Variants in KAZN observed in about 807,000 individuals in gnomAD.
KAZN encodes kazrin.
KAZN carries 40 observed loss-of-function variants against 87.4 expected under a neutral mutation model. The observed-to-expected ratio is 0.46, with a 90% CI of 0.36 to 0.60. The LOEUF (loss-of-function observed/expected upper bound fraction) is 0.60, where lower values mean the gene tolerates loss of function less well. Ranked by LOEUF, KAZN falls within the 20% of genes least tolerant of loss-of-function variation. The pLI, the probability that KAZN is intolerant of heterozygous loss-of-function variation, is 0.00. For missense variants in KAZN, 898 were observed against 1,073.9 expected, an observed-to-expected ratio of 0.84 and a Z score of 2.29; for synonymous variants, 466 against 458.3, an observed-to-expected ratio of 1.02 and a Z score of -0.22.
chr1:13,972,276 CTTT>C (rs546200121), intron 1 of KAZN, among the ~76,000 whole-genome samples: 4 of 141,184 alleles, frequency 2.8e-5, no homozygotes, highest in Non-Finnish European at 3.1e-5. Flanking sequence ...TTTTTCTTTT[CTTT>C]TTTTTTTTTT....
chr1:15,010,632 T>C (rs984675367), intron 2 of KAZN, among the ~76,000 whole-genome samples: 1 of 152,090 alleles, frequency 6.6e-6, no homozygotes, highest in Non-Finnish European at 1.5e-5. Flanking sequence ...GACCTCGTGA[T>C]CACCCACCTT....
intron 1 of KAZN, among the ~76,000 whole-genome samples, chr1:14,115,988 G>A (rs895714718): frequency 5.9e-5 from 9 of 152,086 alleles, no homozygotes; most frequent in Non-Finnish European, 1.3e-4. Flanking sequence ...AATGATTTAG[G>A]GTATCCGGAA....
At chr1:14,021,190 C>A (rs1329998328) in intron 1 of KAZN, among the ~76,000 whole-genome samples, 1 of 152,176 alleles carries the variant, frequency 6.6e-6, no homozygotes, top group Non-Finnish European at 1.5e-5. Flanking sequence ...TAGATGCCAG[C>A]ACACCACTCC....
At chr1:14,876,103 T>C (rs1397420887) in intron 1 of KAZN, among the ~76,000 whole-genome samples, 3 of 152,188 alleles carry the variant, frequency 2.0e-5, no homozygotes, top group Non-Finnish European at 4.4e-5. Flanking sequence ...GGGACTGTGA[T>C]CTTAACAGAT....
chr1:14,232,444 A>T (rs549281103), intron 2 of KAZN, among the ~76,000 whole-genome samples: 1 of 152,306 alleles, frequency 6.6e-6, no homozygotes, highest in South Asian at 2.1e-4. Context: ...TACCTAGGAC[A>T]GGAAGACCCT....
At chr1:14,537,771 T>A (rs1672586733) in intron 2 of KAZN, among the ~76,000 whole-genome samples, 1 of 152,128 alleles carries the variant, frequency 6.6e-6, no homozygotes, top group Admixed American at 6.5e-5. Context: ...GTATTCACAT[T>A]TTCACCCTTG....
chr1:14,319,897 ATTATT>A (rs1655932585), intron 2 of KAZN, among the ~76,000 whole-genome samples: 1 of 152,214 alleles, frequency 6.6e-6, no homozygotes, highest in Non-Finnish European at 1.5e-5. Flanking sequence ...GTCAAATCTG[ATTATT>A]TTATCCCCAA....
intron 1 of KAZN, among the ~76,000 whole-genome samples, chr1:14,857,352 A>C (rs1650256937): frequency 6.6e-6 from 1 of 152,044 alleles, no homozygotes; most frequent in Non-Finnish European, 1.5e-5. Flanking sequence ...GACTAGCCTT[A>C]GCAACATAGT....
intron 1 of KAZN, among the ~76,000 whole-genome samples, chr1:14,176,973 T>C (rs1468748085): frequency 1.3e-5 from 2 of 151,994 alleles, no homozygotes; most frequent in East Asian, 3.9e-4. Flanking sequence ...GCCTGGCCAA[T>C]ATGGTGAAAC....
At chr1:13,961,694 TAG>T (rs1342954302) in intron 1 of KAZN, among the ~76,000 whole-genome samples, 1 of 152,190 alleles carries the variant, frequency 6.6e-6, no homozygotes, top group Non-Finnish European at 1.5e-5. Context: ...TTTGTTATAG[TAG>T]CCCACAGGGA....
rs75385643 is a variant in KAZN, at chr1:13,915,669, A to G, written c.91+21913A>G. On this transcript the variant is annotated intron_variant, in intron 1 of 16. Transcript: ENST00000636203. ...ATCTCCTATCTGGTGACCATTCCAG[A>G]TGAAGGAGGAAGCATGAGAGAGGAC... Among the ~76,000 whole-genome samples the G allele has an allele frequency of 2.0e-5, 3 of 152,306 alleles. No individual in the cohort carries two copies. The East Asian group carries it at 5.8e-4, about 29-fold the overall frequency.
At chr1:14,198,469 G>T (rs547004022) in intron 2 of KAZN, among the ~76,000 whole-genome samples, 1 of 152,048 alleles carries the variant, frequency 6.6e-6, no homozygotes, top group African/African-American at 2.4e-5. Context: ...GCATGGTGGC[G>T]CATGCCTGTA....
intron 1 of KAZN, among the ~76,000 whole-genome samples, chr1:13,915,745 A>G (rs1382202689): frequency 2.0e-5 from 3 of 151,896 alleles, no homozygotes; most frequent in African/African-American, 7.3e-5. Flanking sequence ...CACTAGAGAG[A>G]GAGAGAGGGG....
intron 1 of KAZN, among the ~76,000 whole-genome samples, chr1:14,050,645 A>G (rs1370110715): frequency 1.3e-5 from 2 of 152,194 alleles, no homozygotes; most frequent in African/African-American, 4.8e-5. Context: ...TGTGGGGATT[A>G]CAATTCGAGA....
At chr1:14,427,682 T>C (rs1005957390) in intron 2 of KAZN, among the ~76,000 whole-genome samples, 1 of 151,540 alleles carries the variant, frequency 6.6e-6, no homozygotes, top group Admixed American at 6.6e-5. Context: ...GAATATAGGG[T>C]CACTATGAAG....
chr1:14,970,849 G>C (rs1664952285), intron 2 of KAZN, among the ~76,000 whole-genome samples: 1 of 152,236 alleles, frequency 6.6e-6, no homozygotes, highest in African/African-American at 2.4e-5. Context: ...ACATTTACCA[G>C]AGCTCAACTC....
chr1:14,080,598 A>C (rs938315391), intron 1 of KAZN, among the ~76,000 whole-genome samples: 2 of 152,206 alleles, frequency 1.3e-5, no homozygotes, highest in African/African-American at 4.8e-5. Context: ...TTCAGTACCT[A>C]CTTCATTGGT....
At chr1:14,635,788 T>C (rs763373543) in intron 1 of KAZN, among the ~76,000 whole-genome samples, 17 of 152,194 alleles carry the variant, frequency 1.1e-4, no homozygotes, top group Admixed American at 2.0e-4. Context: ...TGATATCCAG[T>C]GGGTGGAGGC....
At chr1:14,589,639 C>A (rs1218905879) in intron 2 of KAZN, among the ~76,000 whole-genome samples, 1 of 152,142 alleles carries the variant, frequency 6.6e-6, no homozygotes. Flanking sequence ...TTCCTACTAC[C>A]ACTGCTTCCA....
Sources: gnomAD v4.1 joint callset for allele counts (sites outside exome capture counted in the v4.1 genomes callset) on GRCh38, gnomAD v4.1.1 for gene constraint, MANE v1.5 for transcripts, NCBI Gene and HGNC (gene_info 2026-07-23, HGNC 2026-07-21) for gene names.